Variants in FCHO2 observed in about 807,000 individuals in gnomAD.
The protein encoded by FCHO2 is FCH and mu domain containing endocytic adaptor 2.
A neutral mutation model predicts 114.1 loss-of-function variants in FCHO2; 43 were observed. The ratio of observed to expected loss-of-function variants is 0.38; its 90% CI spans 0.30 to 0.49. The LOEUF (loss-of-function observed/expected upper bound fraction) is 0.49, where lower values mean the gene tolerates loss of function less well. FCHO2 is among the 20% of genes least tolerant of loss of function. The probability of loss-of-function intolerance (pLI) is 0.97; values close to 1 mark genes in which losing one functional copy is unlikely to be tolerated. For synonymous variants in FCHO2, 293 were observed against 315.2 expected, an observed-to-expected ratio of 0.93 and a Z score of 0.75; for missense variants, 807 against 950.4, an observed-to-expected ratio of 0.85 and a Z score of 1.98.
chr5:72,990,087 T>TG (rs1209352179), intron 3 of FCHO2, among the ~76,000 whole-genome samples: 7 of 151,980 alleles, frequency 4.6e-5, no homozygotes, highest in Non-Finnish European at 1.0e-4. Context: ...ACAGAAACTT[T>TG]ATTTTTGATG....
intron 2 of FCHO2, among the ~76,000 whole-genome samples, chr5:72,982,714 G>C (rs1316786553): frequency 6.6e-6 from 1 of 151,764 alleles, no homozygotes; most frequent in Non-Finnish European, 1.5e-5. Context: ...TGTTGTCTAG[G>C]TTTTCTCCTA....
intron 24 of FCHO2, among the ~76,000 whole-genome samples, chr5:73,087,124 AGACC>A (rs1280486856): frequency 1.3e-5 from 2 of 152,260 alleles, no homozygotes; most frequent in African/African-American, 4.8e-5. Context: ...GCATTATGTT[AGACC>A]AGTAAAACTT....
intron 17 of FCHO2, among the ~76,000 whole-genome samples, chr5:73,062,644 TAAGC>T (rs1757903816): frequency 6.6e-6 from 1 of 152,036 alleles, no homozygotes; most frequent in South Asian, 2.1e-4. Flanking sequence ...TTGTTTTCCT[TAAGC>T]AACCTGAACA....
intron 11 of FCHO2, among the ~76,000 whole-genome samples, chr5:73,047,302 A>T (rs1316611750): frequency 6.6e-6 from 1 of 152,198 alleles, no homozygotes; most frequent in Non-Finnish European, 1.5e-5. Flanking sequence ...CCACAAAAAC[A>T]CATTCAGAGA....
At chr5:72,992,391 A>G (rs1013133274) in intron 5 of FCHO2, among the ~76,000 whole-genome samples, 26 of 152,220 alleles carry the variant, frequency 1.7e-4, no homozygotes, top group African/African-American at 6.3e-4. Context: ...ACGAAATAAC[A>G]GGGTCCAAAA....
intron 8 of FCHO2, chr5:73,020,932 G>T: frequency 6.4e-7 from 1 of 1,561,844 alleles, no homozygotes; most frequent in Middle Eastern, 2.1e-4. Context: ...TAGTCGAAAA[G>T]CAAACTGCAG....
rs749222052 is a variant in FCHO2, at chr5:73,077,382, G to A, written c.1736G>A (p.Ser579Asn). ...ITGDMTMSFP[S>N]GIIKVFTSNP... is the part of the protein sequence containing the mutation. Reference sequence around the variant, plus strand: ...GGTGATATGACAATGTCATTTCCAAGTGGAATTATTAAAGTCTTCACCAGC... The same window carrying A: ...GGTGATATGACAATGTCATTTCCAAATGGAATTATTAAAGTCTTCACCAGC... Residue 579 changes from serine to asparagine, a missense_variant, in exon 21 of 26, where the codon AGT becomes AAT. Physicochemically the swap from Ser to Asn is conservative, Grantham distance 46. Transcript: ENST00000430046. 6.3e-7 allele frequency: 1 copy of A among 1,587,320 alleles called. No individual in the cohort carries two copies. The highest frequency in any genetic ancestry group is 2.3e-5 in the East Asian group (1 of 44,128).
chr5:73,036,691 A>G (rs900350661), intron 9 of FCHO2, among the ~76,000 whole-genome samples: 5 of 152,080 alleles, frequency 3.3e-5, no homozygotes, highest in Admixed American at 3.3e-4. Context: ...TTATACTTCT[A>G]ATGGGTCTGC....
chr5:73,010,117 C>T (rs1440385975), intron 6 of FCHO2, among the ~76,000 whole-genome samples: 1 of 152,110 alleles, frequency 6.6e-6, no homozygotes, highest in African/African-American at 2.4e-5. Context: ...TCCAGGCCAG[C>T]TGGGTTGACC....
chr5:73,034,615 A>G (rs750219568), intron 8 of FCHO2, 42 bp from the exon 9 acceptor site: 6 of 1,501,906 alleles, frequency 4.0e-6, no homozygotes, highest in Non-Finnish European at 4.5e-6. Flanking sequence ...TTTACCTAAT[A>G]GTTTTTTTCT....
chr5:73,031,864 G>A (rs988139723), intron 8 of FCHO2, among the ~76,000 whole-genome samples: 13 of 152,182 alleles, frequency 8.5e-5, no homozygotes, highest in African/African-American at 3.1e-4. Context: ...TAAAATTTAA[G>A]TGCTAAGAGC....
intron 11 of FCHO2, among the ~76,000 whole-genome samples, chr5:73,043,448 T>G (rs1473637797): frequency 6.6e-6 from 1 of 152,162 alleles, no homozygotes; most frequent in Non-Finnish European, 1.5e-5. Context: ...TGTATATGTG[T>G]GTGTATACAT....
chr5:73,074,315 A>G (rs1580204716), intron 19 of FCHO2, among the ~76,000 whole-genome samples: 2 of 152,246 alleles, frequency 1.3e-5, no homozygotes, highest in South Asian at 4.1e-4. Context: ...TGAGTAGTGT[A>G]TGAAACATTA....
intron 8 of FCHO2, chr5:73,021,176 G>A (rs990448863): frequency 1.0e-5 from 8 of 772,280 alleles, no homozygotes; most frequent in Admixed American, 5.1e-5. Flanking sequence ...TGTCCAGGCT[G>A]GTGAACCGGC....
chr5:73,062,686 G>A (rs981477274), intron 17 of FCHO2, among the ~76,000 whole-genome samples: 1 of 151,816 alleles, frequency 6.6e-6, no homozygotes, highest in Non-Finnish European at 1.5e-5. Context: ...CTCTTATTAT[G>A]GTATGCTTTC....
chr5:73,037,551 G>A (rs940322206), intron 10 of FCHO2, among the ~76,000 whole-genome samples: 18 of 152,000 alleles, frequency 1.2e-4, no homozygotes, highest in Admixed American at 1.1e-3. Context: ...ATTCATCAAA[G>A]TCTTAATGCC....
chr5:73,063,827 TC>T lies in FCHO2; in HGVS notation c.1346-9del. 1 of 1,605,792 alleles carries T rather than the reference TC, an allele frequency of 6.2e-7. No homozygotes were observed. ...TAATGATTTTCTTCAAATTCTCTTT[TC>T]CCCCTCAACCAGCCAGGCCCACAAC... is the stretch of plus-strand genomic sequence containing the variant. On this transcript the variant is annotated splice_polypyrimidine_tract_variant and intron_variant, in intron 17 of 25. Transcript: ENST00000430046.
Position 73,006,369 on chromosome 5 carries a change from TATTC to T in FCHO2, c.496-73_496-70del, listed in dbSNP as rs1327852364. 27 of 838,634 alleles carry T rather than the reference TATTC, an allele frequency of 3.2e-5. No individual in the cohort carries two copies. The African/African-American group carries it at 3.2e-4, about 10-fold the overall frequency. The allele number at this position is 838,634 out of a possible 1,614,324, so 51.9% of individuals were successfully genotyped here. A position where few individuals can be genotyped will look rare whatever the true frequency, so the allele number is the denominator to read the frequency against. On this transcript the variant is annotated intron_variant, in intron 5 of 25. Coordinates refer to ENST00000430046, the MANE Select transcript of FCHO2 (RefSeq NM_138782.3). ...ACTCTTAAAATGTATTTTAATTTGT[TATTC>T]ATATTAACTTACATTAGGAAAGAAA...
intron 20 of FCHO2, among the ~76,000 whole-genome samples, chr5:73,076,804 C>T (rs936016118): frequency 6.6e-6 from 1 of 151,974 alleles, no homozygotes; most frequent in Admixed American, 6.6e-5. Context: ...TAGGAAAAGA[C>T]CAAAAGAAGA....
Sources: gnomAD v4.1 joint callset for allele counts (sites outside exome capture counted in the v4.1 genomes callset) on GRCh38, gnomAD v4.1.1 for gene constraint, MANE v1.5 for transcripts, NCBI Gene and HGNC (gene_info 2026-07-23, HGNC 2026-07-21) for gene names.